PPM1G: variants seen among roughly 807,000 people sequenced by gnomAD.
The protein encoded by PPM1G is protein phosphatase, Mg2+/Mn2+ dependent 1G.
PPM1G carries 12 observed loss-of-function variants against 59.4 expected under a neutral mutation model. The observed-to-expected ratio is 0.20, with a 90% CI of 0.13 to 0.33. PPM1G has a LOEUF of 0.33. Ranked by LOEUF, PPM1G falls within the 10% of genes least tolerant of loss-of-function variation. PPM1G has a pLI of 1.00. For missense variants in PPM1G, 392 were observed against 681.3 expected, an observed-to-expected ratio of 0.58 and a Z score of 4.73; for synonymous variants, 245 against 251.9, an observed-to-expected ratio of 0.97 and a Z score of 0.26.
At position 27,382,001 on chromosome 2, in the gene PPM1G, G is replaced by T; in HGVS notation, c.1434+125C>A. ...AAATGACAGAAGGTGGAACTTTGGA[G>T]TCGGGGTTTAGCGTCTGTCAGCAAT... On this transcript the variant is annotated intron_variant, in intron 9 of 9. Transcript: ENST00000344034. The surrounding 1 kb of genome is among the most constrained non-coding windows in gnomAD (Gnocchi z 4.2). 1.8e-6 allele frequency: 2 copies of T among 1,083,782 alleles called. No individual in the cohort carries two copies. The highest frequency in any genetic ancestry group is 2.7e-6 in the Non-Finnish European group (2 of 731,540). The allele number at this position is 1,083,782 out of a possible 1,614,324, so 67.1% of individuals were successfully genotyped here.
chr2:27,404,512 T>C (rs1663294153), intron 1 of PPM1G, among the ~76,000 whole-genome samples: 1 of 150,550 alleles, frequency 6.6e-6, no homozygotes, highest in South Asian at 2.1e-4. Context: ...ATCAAGCCAC[T>C]ACACTCCAGC....
chr2:27,409,240 G>A (rs1349749958), intron 1 of PPM1G, 63 bp downstream of exon 1: 4 of 1,507,042 alleles, frequency 2.7e-6, no homozygotes, highest in African/African-American at 1.4e-5. Context: ...CCCATCCCCC[G>A]CTCTCTTTCT....
At chr2:27,398,193 A>AT (rs1173405834) in intron 1 of PPM1G, among the ~76,000 whole-genome samples, 1 of 152,232 alleles carries the variant, frequency 6.6e-6, no homozygotes, top group Non-Finnish European at 1.5e-5. Flanking sequence ...GAGTTCAGAA[A>AT]TAAAACCCTC....
intron 1 of PPM1G, among the ~76,000 whole-genome samples, chr2:27,395,532 A>G (rs1460385289): frequency 6.6e-6 from 1 of 152,062 alleles, no homozygotes; most frequent in Non-Finnish European, 1.5e-5. Flanking sequence ...CTGTCTCAAA[A>G]ACACAAAACA....
In PPM1G at chr2:27,382,834, T is replaced by G. The variant is rs1234899093; in HGVS notation, c.1202-229A>C. ...TTTTATTTTAAGTCTTTTTTGTTTT[T>G]TTTTTTTTGAGACGGAGTTTCACTC... On this transcript the variant is annotated intron_variant, in intron 7 of 9. Coordinates refer to ENST00000344034, the MANE Select transcript of PPM1G (RefSeq NM_177983.3). The surrounding 1 kb of genome is among the most constrained non-coding windows in gnomAD (Gnocchi z 4.2). Among the ~76,000 whole-genome samples the G allele has an allele frequency of 6.6e-6, 1 of 151,518 alleles. No individual in the cohort carries two copies. Among genetic ancestry groups the G allele is most frequent in the Non-Finnish European group, 1.5e-5 (1 of 67,894 alleles).
At chr2:27,387,707 G>T (rs1157868106) in intron 1 of PPM1G, among the ~76,000 whole-genome samples, 1 of 152,140 alleles carries the variant, frequency 6.6e-6, no homozygotes, top group Non-Finnish European at 1.5e-5. Context: ...CACCATGTTG[G>T]TCAGGCTGGT....
chr2:27,394,059 G>A (rs1683985577), intron 1 of PPM1G, among the ~76,000 whole-genome samples: 4 of 148,934 alleles, frequency 2.7e-5, no homozygotes, highest in Admixed American at 2.7e-4. Flanking sequence ...ACCGCGCCCG[G>A]CCTAATTTTT....
Position 27,382,319 on chromosome 2 carries a change from ATAAC to A in PPM1G, c.1332-95_1332-92del. On this transcript the variant is annotated intron_variant, in intron 8 of 9. Transcript: ENST00000344034. This position sits in a 1 kb window ranked among gnomAD's most constrained non-coding sequence, Gnocchi z 4.2. Reference sequence around the variant, plus strand: ...GAGGTGGTGGCCCAGGCCAGTGTAAATAACTACAGAAATTCTCAGCTCTGCCTTA... The same window carrying A: ...GAGGTGGTGGCCCAGGCCAGTGTAAATACAGAAATTCTCAGCTCTGCCTTA... 6.4e-7 allele frequency: 1 copy of A among 1,556,228 alleles called. No individual in the cohort carries two copies. The highest frequency in any genetic ancestry group is 1.1e-5 in the South Asian group (1 of 89,132).
rs73921521 is a variant in PPM1G at position 27,387,058 on chromosome 2, G to A, written c.190+31C>T. 2,450 of 1,556,244 alleles carry A rather than the reference G, an allele frequency of 1.6e-3. 38 individuals carry two copies. The African/African-American group carries it at 0.029, about 18-fold the overall frequency. On this transcript the variant is annotated intron_variant, in intron 2 of 9. Coordinates refer to ENST00000344034, the MANE Select transcript of PPM1G (RefSeq NM_177983.3). ...TGGAACGTCTGGAATTGGGGTCCTA[G>A]AATGTTACCAATATGATCTGTTAAA...
rs1360622540 is a variant in PPM1G at position 27,409,296 on chromosome 2, T to A, written c.120+7A>T. The stretch of plus-strand genomic sequence containing the variant: ...AGCGGCCAGCCTATGGGCCCCTGCC[T>A]CCTCACCTCCATGGAGACGCGCCAG... On this transcript the variant is annotated splice_region_variant and intron_variant, in intron 1 of 9. Coordinates refer to ENST00000344034, the MANE Select transcript of PPM1G (RefSeq NM_177983.3). 2 of 1,553,046 alleles carry A rather than the reference T, an allele frequency of 1.3e-6. No individual in the cohort carries two copies. Among genetic ancestry groups the A allele is most frequent in the African/African-American group, 1.4e-5 (1 of 71,836 alleles).
Position 27,385,345 on chromosome 2 carries a change from T to G in PPM1G, c.410-257A>C. On this transcript the variant is annotated intron_variant, in intron 4 of 9. Transcript: ENST00000344034. The surrounding 1 kb of genome is among the most constrained non-coding windows in gnomAD (Gnocchi z 4.1). ...TTCCCCTCTGACGTCTCATTTTTTATTGTTAAGTTGTAAAAACCCTATTCT... is the reference window on the plus strand; with the variant it reads ...TTCCCCTCTGACGTCTCATTTTTTAGTGTTAAGTTGTAAAAACCCTATTCT... 1 of 456,690 alleles carries G rather than the reference T, an allele frequency of 2.2e-6. No homozygotes were observed. The highest frequency in any genetic ancestry group is 3.8e-6 in the Non-Finnish European group (1 of 261,738). 28.3% of individuals were successfully genotyped at this position (456,690 alleles called of 1,614,324 possible). A position where few individuals can be genotyped will look rare whatever the true frequency, so the allele number is the denominator to read the frequency against.
At chr2:27,392,294 T>TG (rs375050379) in intron 1 of PPM1G, among the ~76,000 whole-genome samples, 55,614 of 140,660 alleles carry the variant, frequency 0.4, 11,231 homozygotes, top group Admixed American at 0.45. Flanking sequence ...TTGTTTTTTT[T>TG]TTTTTTTTTT....
chr2:27,399,311 T>C (rs974096695), intron 1 of PPM1G, among the ~76,000 whole-genome samples: 19 of 152,136 alleles, frequency 1.2e-4, no homozygotes, highest in African/African-American at 4.6e-4. Context: ...CAATTAAAAA[T>C]GGACAAAGAC....
Position 27,409,460 on chromosome 2 carries a change from TG to T in PPM1G, c.-39del. The T allele has an allele frequency of 6.8e-7, 1 of 1,470,182 alleles. No homozygotes were observed. Among genetic ancestry groups the T allele is most frequent in the Non-Finnish European group, 9.0e-7 (1 of 1,112,600 alleles). The allele number at this position is 1,470,182 out of a possible 1,614,324, so 91.1% of individuals were successfully genotyped here. ...CCGGCGGCCTCAGGTGCAGGAAAGCTGGGCGCGACCCGTGCCGGAGCCGAAG... is the reference window on the plus strand; with the variant it reads ...CCGGCGGCCTCAGGTGCAGGAAAGCTGGCGCGACCCGTGCCGGAGCCGAAG... On this transcript the variant is annotated 5_prime_UTR_variant, in exon 1 of 10. Coordinates refer to ENST00000344034, the MANE Select transcript of PPM1G (RefSeq NM_177983.3).
rs1663468488 is a variant in PPM1G at position 27,409,572 on chromosome 2, G to A, written c.-150C>T. Reference sequence around the variant, plus strand: ...AAAGGCGCGAGGCCGGCCAGGAGGCGGTAACGGGACGGGAGCTGTGAGGGA... The same window carrying A: ...AAAGGCGCGAGGCCGGCCAGGAGGCAGTAACGGGACGGGAGCTGTGAGGGA... On this transcript the variant is annotated 5_prime_UTR_variant, in exon 1 of 10. Transcript: ENST00000344034. 1.2e-5 allele frequency: 12 copies of A among 1,041,284 alleles called. No homozygotes were observed. In the Middle Eastern group the frequency reaches 1.0e-3, roughly 89 times the overall value. 64.5% of individuals were successfully genotyped at this position (1,041,284 alleles called of 1,614,324 possible). A position where few individuals can be genotyped will look rare whatever the true frequency, so the allele number is the denominator to read the frequency against.
At position 27,381,417 on chromosome 2, in the gene PPM1G, C is replaced by T. The variant is rs1016732764; in HGVS notation, c.*182G>A. On this transcript the variant is annotated 3_prime_UTR_variant, in exon 10 of 10. Coordinates refer to ENST00000344034, the MANE Select transcript of PPM1G (RefSeq NM_177983.3). ...GAGGAGCAGAGGCGGCTGGGAAGGA[C>T]AGCAGAGGCTCCCGGCTGCAGTGTG... 8 of 650,620 alleles carry T rather than the reference C, an allele frequency of 1.2e-5. No individual in the cohort carries two copies. The highest frequency in any genetic ancestry group is 1.9e-5 in the Non-Finnish European group (7 of 374,956). The allele number at this position is 650,620 out of a possible 1,614,324, so 40.3% of individuals were successfully genotyped here.
chr2:27,407,690 A>G (rs1264566709), intron 1 of PPM1G, among the ~76,000 whole-genome samples: 1 of 152,198 alleles, frequency 6.6e-6, no homozygotes, highest in African/African-American at 2.4e-5. Context: ...CAACGATCTG[A>G]TCCTACAAAT....
chr2:27,383,849 C>G lies in PPM1G; in HGVS notation c.966+103G>C, dbSNP rs1683698702. ...AATAAATCCCCATGACTATTACTTCCATCCTAAAGTATCAGGGGGATCCCC... is the reference window on the plus strand; with the variant it reads ...AATAAATCCCCATGACTATTACTTCGATCCTAAAGTATCAGGGGGATCCCC... On this transcript the variant is annotated intron_variant, in intron 6 of 9. Coordinates refer to ENST00000344034, the MANE Select transcript of PPM1G (RefSeq NM_177983.3). This position sits in a 1 kb window ranked among gnomAD's most constrained non-coding sequence, Gnocchi z 5.0. The G allele has an allele frequency of 4.7e-6, 7 of 1,478,560 alleles. No homozygotes were observed. Among genetic ancestry groups the G allele is most frequent in the Non-Finnish European group, 6.4e-6 (7 of 1,098,172 alleles). The allele number at this position is 1,478,560 out of a possible 1,614,324, so 91.6% of individuals were successfully genotyped here.
At chr2:27,394,468 C>A (rs1683994502) in intron 1 of PPM1G, among the ~76,000 whole-genome samples, 2 of 151,924 alleles carry the variant, frequency 1.3e-5, no homozygotes, top group Non-Finnish European at 2.9e-5. Context: ...CACGGTGACC[C>A]CCCTGTAATC....
Sources: gnomAD v4.1 joint callset for allele counts (sites outside exome capture counted in the v4.1 genomes callset) on GRCh38, gnomAD v4.1.1 for gene constraint, Gnocchi (gnomAD v3.1) non-coding constraint, MANE v1.5 for transcripts, NCBI Gene and HGNC (gene_info 2026-07-23, HGNC 2026-07-21) for gene names.